SNRNP200: variants seen among roughly 807,000 people sequenced by gnomAD.
The protein encoded by SNRNP200 is small nuclear ribonucleoprotein U5 subunit 200.
Under a neutral mutation model 255.2 loss-of-function variants are expected in SNRNP200, and 66 were observed. That is an observed-to-expected ratio of 0.26 (90% confidence interval 0.21 to 0.32). SNRNP200 has a LOEUF of 0.32. Among genes scored for constraint, SNRNP200 ranks in the 10% least tolerant of loss-of-function variants. SNRNP200 has a pLI of 1.00. For missense variants in SNRNP200, 1,585 were observed against 2,749.8 expected (o/e 0.58, Z 9.47); for synonymous variants, 939 against 1,027.8 (o/e 0.91, Z 1.65).
At position 96,289,948 on chromosome 2, in the gene SNRNP200, G is replaced by A. The variant is rs1323994634; in HGVS notation, c.2791C>T (p.Arg931Ter). ...GYAYLYIRML[R>*]SPTLYGISHD... ...GAGATGCCATAGAGGGTTGGGGATC[G>A]CAGCATTCGGATATAGAGGTAGGCA... The change falls in exon 21 of 45, where the codon CGA (arginine) becomes TGA (stop). Residue 931 changes from arginine (R) to a stop codon, truncating the protein, a stop_gained. Transcript: ENST00000323853. LOFTEE classifies it high-confidence loss of function. The A allele has an allele frequency of 1.2e-6, 2 of 1,614,116 alleles. No individual in the cohort carries two copies. The highest frequency in any genetic ancestry group is 2.2e-5 in the East Asian group (1 of 44,880).
intron 6 of SNRNP200, 63 bp downstream of exon 6, chr2:96,299,266 G>C (rs898911449): frequency 6.9e-7 from 1 of 1,439,274 alleles, no homozygotes; most frequent in Non-Finnish European, 9.8e-7. Context: ...CCTAGGCATG[G>C]GGAAGAAGCA....
intron 24 of SNRNP200, 33 bp from the exon 25 acceptor site, chr2:96,288,002 T>C (rs1312972416): frequency 2.5e-6 from 4 of 1,595,612 alleles, no homozygotes; most frequent in African/African-American, 2.7e-5. Context: ...CACTGTTAAG[T>C]CTCGACTATC....
At chr2:96,280,950 T>C (rs1027759820) in intron 35 of SNRNP200, among the ~76,000 whole-genome samples, 3 of 151,310 alleles carry the variant, frequency 2.0e-5, no homozygotes, top group Admixed American at 6.6e-5. Flanking sequence ...CCTCCTGGGT[T>C]CAAGTGATTC....
chr2:96,288,078 C>T (rs2063854820), intron 24 of SNRNP200, 109 bp from the exon 25 acceptor site: 1 of 988,904 alleles, frequency 1.0e-6, no homozygotes, highest in Non-Finnish European at 1.6e-6. Flanking sequence ...ACCACCCACC[C>T]TAACTCAAAG....
At position 96,283,380 on chromosome 2, in the gene SNRNP200, C is replaced by T; in HGVS notation, c.4764-28G>A. ...GTGCGGTACAGGCACTGGCTCAGCTCAGAGTAGTTCAATTCCTGGCAGACA... is the reference window on the plus strand; with the variant it reads ...GTGCGGTACAGGCACTGGCTCAGCTTAGAGTAGTTCAATTCCTGGCAGACA... On this transcript the variant is annotated intron_variant, in intron 33 of 44. Coordinates refer to ENST00000323853, the MANE Select transcript of SNRNP200 (RefSeq NM_014014.5). This position sits in a 1 kb window ranked among gnomAD's most constrained non-coding sequence, Gnocchi z 4.7. 1 of 1,614,096 alleles carries T rather than the reference C, an allele frequency of 6.2e-7. No individual in the cohort carries two copies. The highest frequency in any genetic ancestry group is 8.5e-7 in the Non-Finnish European group (1 of 1,180,036).
chr2:96,285,472 A>C, intron 29 of SNRNP200, 132 bp from the exon 30 acceptor site: 4 of 984,066 alleles, frequency 4.1e-6, no homozygotes, highest in Non-Finnish European at 6.2e-6. Flanking sequence ...CAGACAGAGG[A>C]GCTAAGGCAT....
intron 13 of SNRNP200, among the ~76,000 whole-genome samples, chr2:96,295,892 T>C (rs535308476): frequency 3.9e-4 from 59 of 152,294 alleles, no homozygotes; most frequent in African/African-American, 1.4e-3. Flanking sequence ...ATGCCTGTAA[T>C]TCTAGCACTT....
Position 96,278,131 on chromosome 2 carries a change from CG to C in SNRNP200, c.5610+105del. ...GAGCGGGAGGACATATGGCGGGGGT[CG>C]GGGGATGCGTATGGGCGTGTTGGTG... On this transcript the variant is annotated intron_variant, in intron 39 of 44. Coordinates refer to ENST00000323853, the MANE Select transcript of SNRNP200 (RefSeq NM_014014.5). This position sits in a 1 kb window ranked among gnomAD's most constrained non-coding sequence, Gnocchi z 6.9. The C allele has an allele frequency of 3.2e-6, 5 of 1,572,496 alleles. No homozygotes were observed. The highest frequency in any genetic ancestry group is 1.7e-6 in the Non-Finnish European group (2 of 1,145,488).
At chr2:96,305,270 G>A (rs1413927512) in intron 1 of SNRNP200, 123 bp downstream of exon 1, 5 of 1,284,582 alleles carry the variant, frequency 3.9e-6, no homozygotes, top group East Asian at 4.6e-5. Flanking sequence ...CCTTCACCCC[G>A]ATTCCATTTC....
At chr2:96,288,460 G>A (rs2063857298) in intron 24 of SNRNP200, among the ~76,000 whole-genome samples, 1 of 152,164 alleles carries the variant, frequency 6.6e-6, no homozygotes. Flanking sequence ...CCCTCTTAAG[G>A]TCTTACCTTT....
rs1369610968 is a variant in SNRNP200, at chr2:96,286,889, A to G, written c.3640-12T>C. On this transcript the variant is annotated splice_polypyrimidine_tract_variant and intron_variant, in intron 27 of 44. Transcript: ENST00000323853. The surrounding 1 kb of genome is among the most constrained non-coding windows in gnomAD (Gnocchi z 4.8). Reference sequence around the variant, plus strand: ...GATGAACCATGCACCTGCCAACAGGAGCAAGGGTAAAAGGAATGTGAGTCA... The same window carrying G: ...GATGAACCATGCACCTGCCAACAGGGGCAAGGGTAAAAGGAATGTGAGTCA... 1 of 1,614,088 alleles carries G rather than the reference A, an allele frequency of 6.2e-7. No homozygotes were observed. The highest frequency in any genetic ancestry group is 2.2e-5 in the East Asian group (1 of 44,888).
chr2:96,300,203 T>G (rs1027353762), intron 5 of SNRNP200, among the ~76,000 whole-genome samples: 1 of 152,196 alleles, frequency 6.6e-6, no homozygotes, highest in Non-Finnish European at 1.5e-5. Context: ...TTTCTCAAAG[T>G]ACCCCACTTA....
At position 96,288,741 on chromosome 2, in the gene SNRNP200, G is replaced by A. The variant is rs778008127; in HGVS notation, c.3180C>T (p.Asn1060=). The A allele has an allele frequency of 2.0e-5, 32 of 1,613,862 alleles. No homozygotes were observed. The highest frequency in any genetic ancestry group is 1.9e-4 in the South Asian group (17 of 91,090). Residue 1060 remains asparagine, a synonymous_variant, in exon 24 of 45, where the codon AAC becomes AAT. Coordinates refer to ENST00000323853, the MANE Select transcript of SNRNP200 (RefSeq NM_014014.5). The stretch of plus-strand genomic sequence containing the variant: ...GTGAGATGAAGGCTTGCAGAAGAAC[G>A]TTGATCTGTAAAGAAGCAAAATCAG... ...ESIEEPSAKI[N]VLLQAFISQL...
rs201490072 is a variant in SNRNP200 at position 96,297,326 on chromosome 2, G to A, written c.1377+37C>T. 167 of 1,611,580 alleles carry A rather than the reference G, an allele frequency of 1.0e-4. No homozygotes were observed. The East Asian group carries it at 1.1e-3, about 11-fold the overall frequency. The stretch of plus-strand genomic sequence containing the variant: ...ATGGTTGAAATCCAAACCAGGAGGT[G>A]AACTGAGCAGAGAACTGAAGAAAGC... On this transcript the variant is annotated intron_variant, in intron 11 of 44. Transcript: ENST00000323853.
rs1204392614 is a variant in SNRNP200 at position 96,291,642 on chromosome 2, C to T, written c.2310+109G>A. On this transcript the variant is annotated intron_variant, in intron 17 of 44. Transcript: ENST00000323853. This position sits in a 1 kb window ranked among gnomAD's most constrained non-coding sequence, Gnocchi z 4.2. ...ATCACATCCAGACAATCAACCTTAA[C>T]CCATGGGAAACAACAATACCACAGT... is the stretch of plus-strand genomic sequence containing the variant. 7.3e-7 allele frequency: 1 copy of T among 1,378,090 alleles called. No individual in the cohort carries two copies. The highest frequency in any genetic ancestry group is 1.0e-6 in the Non-Finnish European group (1 of 969,702). 85.4% of individuals were successfully genotyped at this position (1,378,090 alleles called of 1,614,324 possible).
chr2:96,294,675 A>T lies in SNRNP200; in HGVS notation c.1842+813T>A, dbSNP rs73958197. On this transcript the variant is annotated intron_variant, in intron 14 of 44. Transcript: ENST00000323853. ...GCTTTTCCCAGACAACTTAAACTAT[A>T]CTCAGACTTAGTCACTAATCTCTGG... Among the ~76,000 whole-genome samples, 89 of 152,252 alleles carry T rather than the reference A, an allele frequency of 5.8e-4. 1 individual carries two copies. Among genetic ancestry groups the T allele is most frequent in the African/African-American group, 2.0e-3 (85 of 41,548 alleles).
Position 96,284,385 on chromosome 2 carries a change from C to T in SNRNP200, c.4365G>A (p.Glu1455=), listed in dbSNP as rs1365553791. ...CATTCTCGCCCCCGATAAGGTGGAC[C>T]TCATCCACCACGAAGAGGTTGATGT... ...VQNINLFVVD[E]VHLIGGENGP... Residue 1455 remains glutamate (E), a synonymous_variant, in exon 31 of 45, where the codon GAG becomes GAA. Coordinates refer to ENST00000323853, the MANE Select transcript of SNRNP200 (RefSeq NM_014014.5). 3.7e-6 allele frequency: 6 copies of T among 1,613,990 alleles called. No homozygotes were observed. Among genetic ancestry groups the T allele is most frequent in the Non-Finnish European group, 5.1e-6 (6 of 1,179,892 alleles).
intron 24 of SNRNP200, among the ~76,000 whole-genome samples, chr2:96,288,205 C>T (rs2063855666): frequency 6.6e-6 from 1 of 152,216 alleles, no homozygotes; most frequent in South Asian, 2.1e-4. Flanking sequence ...TTTAACCTAA[C>T]ATTCACTGCA....
intron 9 of SNRNP200, 115 bp downstream of exon 9, chr2:96,298,169 A>G: frequency 3.4e-6 from 5 of 1,491,004 alleles, no homozygotes; most frequent in Non-Finnish European, 4.7e-6. Flanking sequence ...AACCCCAAAG[A>G]ATTTAGGAAA....
Sources: allele counts gnomAD v4.1 joint callset (sites outside exome capture counted in the v4.1 genomes callset), GRCh38; gene constraint gnomAD v4.1.1; non-coding constraint Gnocchi (gnomAD v3.1); transcripts MANE v1.5; gene names NCBI Gene and HGNC (gene_info 2026-07-23, HGNC 2026-07-21).